The following PSMA1 variants were observed in gnomAD, a reference collection of about 807,000 sequenced individuals.
PSMA1 encodes proteasome 20S subunit alpha 1, also known as proteasome subunit alpha type-1.
PSMA1 carries 3 observed loss-of-function variants against 38.4 expected under a neutral mutation model. That is an observed-to-expected ratio of 0.08 (90% CI 0.04 to 0.20). The LOEUF is 0.20. PSMA1 is among the 10% of genes least tolerant of loss of function. The pLI, the probability that PSMA1 is intolerant of heterozygous loss-of-function variation, is 1.00. For synonymous variants in PSMA1, 101 were observed against 107.1 expected (o/e 0.94, Z 0.35); for missense variants, 227 against 325.3 (o/e 0.70, Z 2.32).
chr11:14,506,130 G>T (rs1851239666), intron 9 of PSMA1, among the ~76,000 whole-genome samples: 1 of 152,112 alleles, frequency 6.6e-6, no homozygotes, highest in African/African-American at 2.4e-5. Context: ...AGTTATATGT[G>T]GATTTTCAAC....
intron 2 of PSMA1, among the ~76,000 whole-genome samples, chr11:14,600,247 C>T (rs891117009): frequency 3.3e-5 from 5 of 152,300 alleles, no homozygotes; most frequent in East Asian, 1.9e-4. Context: ...AGAGCTCAAA[C>T]GCTATGCTGG....
intron 1 of PSMA1, among the ~76,000 whole-genome samples, chr11:14,615,124 A>G (rs1331143749): frequency 2.0e-5 from 3 of 152,254 alleles, no homozygotes; most frequent in African/African-American, 7.2e-5. Flanking sequence ...GATATTGACA[A>G]TGCTATCCTT....
intron 1 of PSMA1, among the ~76,000 whole-genome samples, chr11:14,638,321 G>A (rs1853136413): frequency 6.6e-6 from 1 of 151,904 alleles, no homozygotes; most frequent in South Asian, 2.1e-4. Context: ...ATATGTAGGT[G>A]TTTCACTTAG....
intron 2 of PSMA1, among the ~76,000 whole-genome samples, chr11:14,580,915 C>A (rs952544625): frequency 1.3e-5 from 2 of 152,182 alleles, no homozygotes; most frequent in African/African-American, 2.4e-5. Flanking sequence ...GAAGTGGAAT[C>A]GTGTTGGGAT....
intron 4 of PSMA1, 134 bp downstream of exon 4, chr11:14,517,508 C>A: frequency 1.4e-6 from 1 of 732,706 alleles, no homozygotes; most frequent in Non-Finnish European, 2.2e-6. Flanking sequence ...AACTCAAAAC[C>A]ACCAAGGTAT....
chr11:14,637,916 A>T (rs1853130387), intron 1 of PSMA1, among the ~76,000 whole-genome samples: 1 of 152,190 alleles, frequency 6.6e-6, no homozygotes, highest in East Asian at 1.9e-4. Context: ...CTCCTTGGAA[A>T]AACTCAGAAT....
At chr11:14,535,593 G>A (rs952469638) in intron 2 of PSMA1, among the ~76,000 whole-genome samples, 1 of 151,900 alleles carries the variant, frequency 6.6e-6, no homozygotes, top group East Asian at 1.9e-4. Context: ...ACAAGCATGC[G>A]CCACCACACC....
intron 2 of PSMA1, among the ~76,000 whole-genome samples, chr11:14,568,821 G>A (rs1852103727): frequency 6.6e-6 from 1 of 152,190 alleles, no homozygotes; most frequent in Non-Finnish European, 1.5e-5. Flanking sequence ...ATAAGACTTT[G>A]CTTCTGCAAG....
At position 14,589,533 on chromosome 11, in the gene PSMA1, C is replaced by A. The variant is rs555971407; in HGVS notation, c.21+21433G>T. 2.8e-4 allele frequency among the ~76,000 whole-genome samples: 42 copies of A among 151,766 alleles called. 1 individual carries two copies. The Middle Eastern group carries it at 0.01, about 37-fold the overall frequency. ...ACATGTGGCAACAAGACAGGTAGATCTCTGTACTGTTACTCCCCAGACCCA... is the reference window on the plus strand; with the variant it reads ...ACATGTGGCAACAAGACAGGTAGATATCTGTACTGTTACTCCCCAGACCCA... On this transcript the variant is annotated intron_variant, in intron 2 of 10. Transcript: ENST00000418988.
At chr11:14,554,218 T>G (rs1305005204) in intron 2 of PSMA1, among the ~76,000 whole-genome samples, 1 of 152,190 alleles carries the variant, frequency 6.6e-6, no homozygotes, top group Non-Finnish European at 1.5e-5. Context: ...GTTTACTATA[T>G]TTTCTGCAGT....
chr11:14,508,147 T>C (rs1851278369), intron 8 of PSMA1, among the ~76,000 whole-genome samples: 2 of 152,208 alleles, frequency 1.3e-5, no homozygotes, highest in Admixed American at 1.3e-4. Context: ...CAAGTAGGCC[T>C]TAGTGGTTCC....
chr11:14,624,656 T>G (rs564749520), intron 1 of PSMA1, among the ~76,000 whole-genome samples: 1 of 152,240 alleles, frequency 6.6e-6, no homozygotes, highest in East Asian at 1.9e-4. Context: ...CAGGCAAGAA[T>G]AGGGTCACAT....
At chr11:14,579,812 T>C (rs1329750799) in intron 2 of PSMA1, among the ~76,000 whole-genome samples, 1 of 152,184 alleles carries the variant, frequency 6.6e-6, no homozygotes, top group Non-Finnish European at 1.5e-5. Context: ...ACATGTACTT[T>C]GAAAATGCCC....
At chr11:14,517,612 A>G (rs762620559) in intron 4 of PSMA1, 30 bp downstream of exon 4, 4 of 1,457,534 alleles carry the variant, frequency 2.7e-6, no homozygotes, top group African/African-American at 2.9e-5. Flanking sequence ...TGAAACAAAA[A>G]GGATGTTTAT....
chr11:14,568,717 A>G (rs1225722570), intron 2 of PSMA1, among the ~76,000 whole-genome samples: 1 of 152,222 alleles, frequency 6.6e-6, no homozygotes, highest in Admixed American at 6.5e-5. Context: ...TTCAAAGCCT[A>G]TATCCTCTTA....
intron 2 of PSMA1, among the ~76,000 whole-genome samples, chr11:14,543,931 C>A (rs559440683): frequency 6.6e-6 from 1 of 152,156 alleles, no homozygotes; most frequent in Non-Finnish European, 1.5e-5. Flanking sequence ...CAAAAGTTTT[C>A]GGCATATTCA....
intron 2 of PSMA1, among the ~76,000 whole-genome samples, chr11:14,533,065 A>G (rs1443664434): frequency 6.6e-6 from 1 of 152,210 alleles, no homozygotes. Context: ...TAACATGTAT[A>G]TACATCGTGT....
chr11:14,529,746 T>C (rs1259908134), intron 2 of PSMA1, among the ~76,000 whole-genome samples: 1 of 152,224 alleles, frequency 6.6e-6, no homozygotes, highest in Non-Finnish European at 1.5e-5. Flanking sequence ...CTTGGGTAAA[T>C]ATATTTCATC....
intron 2 of PSMA1, among the ~76,000 whole-genome samples, chr11:14,530,815 C>T (rs2575841): frequency 0.66 from 99,980 of 150,624 alleles, 33,379 homozygotes; most frequent in African/African-American, 0.7. Context: ...GGCAGGAGAA[C>T]TGCTTGAACC....
Sources: allele counts gnomAD v4.1 joint callset (sites outside exome capture counted in the v4.1 genomes callset), GRCh38; gene constraint gnomAD v4.1.1; transcripts MANE v1.5; gene names NCBI Gene and HGNC (gene_info 2026-07-23, HGNC 2026-07-21).